OGG1: variants seen among roughly 807,000 people sequenced by gnomAD.
OGG1 encodes the protein N-glycosylase/DNA lyase.
A neutral mutation model predicts 42.3 loss-of-function variants in OGG1; 35 were observed. The observed-to-expected ratio is 0.83, with a 90% CI of 0.63 to 1.10. The LOEUF (loss-of-function observed/expected upper bound fraction) is 1.10, where lower values mean the gene tolerates loss of function less well. Ranked by LOEUF, OGG1 falls within the 50% of genes least tolerant of loss-of-function variation. The pLI is 0.00. For missense variants in OGG1, 484 were observed against 446.7 expected, an observed-to-expected ratio of 1.08 and a Z score of -0.75; for synonymous variants, 189 against 179.0, an observed-to-expected ratio of 1.06 and a Z score of -0.44.
chr3:9,761,703 C>T (rs925718348), downstream of OGG1: 5 of 1,613,956 alleles, frequency 3.1e-6, no homozygotes, highest in Non-Finnish European at 4.2e-6. Context: ...AGGCCAAAGT[C>T]GGAGATCATG....
chr3:9,761,865 AC>A (rs2077893042), downstream of OGG1: 15 of 1,483,622 alleles, frequency 1.0e-5, no homozygotes, highest in Non-Finnish European at 1.2e-5. Context: ...CCCAAAAGCC[AC>A]TGTGGCTTCA....
chr3:9,774,658 A>C (rs1264769645), intron 2 of OGG1, among the ~76,000 whole-genome samples: 1 of 152,322 alleles, frequency 6.6e-6, no homozygotes, highest in Non-Finnish European at 1.5e-5. Flanking sequence ...AACACAGGAC[A>C]TTTTGTATCT....
intron 3 of OGG1, among the ~76,000 whole-genome samples, chr3:9,752,726 C>G (rs2125537475): frequency 6.6e-6 from 1 of 152,254 alleles, no homozygotes; most frequent in East Asian, 1.9e-4. Context: ...GACAGACTGC[C>G]TCAAAACAGG....
chr3:9,778,131 A>T (rs2078387691), intron 2 of OGG1, among the ~76,000 whole-genome samples: 1 of 152,212 alleles, frequency 6.6e-6, no homozygotes, highest in South Asian at 2.1e-4. Flanking sequence ...CCTACCCCAT[A>T]ATATTAGGTA....
chr3:9,751,958 G>C lies in OGG1; in HGVS notation c.565+9G>C, dbSNP rs756905146. The C allele has an allele frequency of 3.2e-5, 51 of 1,613,402 alleles. No individual in the cohort carries two copies. The highest frequency in any genetic ancestry group is 4.2e-5 in the Non-Finnish European group (50 of 1,179,610). On this transcript the variant is annotated intron_variant, in intron 3 of 6. Transcript: ENST00000344629. ...CCTGCAGGCCCTGGCTGGTGAGTAG[G>C]TGGGTCCCCTGCCCCCAGGCCTTCC...
At chr3:9,759,206 C>CT, downstream of OGG1, 1 of 1,613,820 alleles carries the variant, frequency 6.2e-7, no homozygotes. Context: ...GTCATCACCA[C>CT]TTTTATGACC....
chr3:9,756,876 T>C, intron 6 of OGG1, 60 bp downstream of exon 6: 1 of 1,612,494 alleles, frequency 6.2e-7, no homozygotes, highest in Non-Finnish European at 8.5e-7. Flanking sequence ...CCCAGTGGAC[T>C]CTTCCACCAC....
At chr3:9,789,375 G>T, downstream of OGG1, 1 of 752,998 alleles carries the variant, frequency 1.3e-6, no homozygotes, top group Non-Finnish European at 2.1e-6. Context: ...GTGTCTGGAG[G>T]CACTGATGGA....
chr3:9,789,981 T>C, downstream of OGG1: 1 of 1,572,954 alleles, frequency 6.4e-7, no homozygotes, highest in East Asian at 2.2e-5. Context: ...TTACAGAAAG[T>C]GTCACTGAGG....
At chr3:9,760,470 G>A (rs779720151), downstream of OGG1, 9 of 570,852 alleles carry the variant, frequency 1.6e-5, no homozygotes, top group Non-Finnish European at 2.8e-5. Flanking sequence ...TTCTCACTCT[G>A]GGAGCCAAGC....
chr3:9,776,439 G>A (rs2078366072), intron 2 of OGG1, among the ~76,000 whole-genome samples: 1 of 147,072 alleles, frequency 6.8e-6, no homozygotes, highest in Admixed American at 6.8e-5. Context: ...ACCCAGGCTG[G>A]AGTGCAGTGG....
downstream of OGG1, chr3:9,759,921 G>T: frequency 1.0e-6 from 1 of 1,000,012 alleles, no homozygotes; most frequent in Non-Finnish European, 1.5e-6. Flanking sequence ...CCCACCCCGT[G>T]CCTTCCAGCT....
At chr3:9,755,843 C>G (rs904154171) in intron 4 of OGG1, among the ~76,000 whole-genome samples, 1 of 152,042 alleles carries the variant, frequency 6.6e-6, no homozygotes, top group African/African-American at 2.4e-5. Flanking sequence ...GGACTACAGC[C>G]TAACATTAAA....
chr3:9,759,444 G>C (rs760975814), downstream of OGG1: 172 of 1,612,952 alleles, frequency 1.1e-4, no homozygotes, highest in Non-Finnish European at 1.3e-4. Flanking sequence ...GGATGGGGAG[G>C]AGTCCTGGGG....
chr3:9,757,347 T>C lies in OGG1; in HGVS notation c.*197T>C, dbSNP rs1462637128. The C allele has an allele frequency of 6.2e-7, 1 of 1,614,082 alleles. No individual in the cohort carries two copies. Among genetic ancestry groups the C allele is most frequent in the South Asian group, 1.1e-5 (1 of 91,082 alleles). ...ATATTGAGGGAGACAGCGCTAAGGA[T>C]GGTTTTATCTTCCCTTTATTACAAG... On this transcript the variant is annotated 3_prime_UTR_variant, in exon 7 of 7. Transcript: ENST00000344629. The surrounding 1 kb of genome is among the most constrained non-coding windows in gnomAD (Gnocchi z 4.5).
At chr3:9,770,954 C>G (rs569194196), downstream of OGG1, among the ~76,000 whole-genome samples, 2 of 152,112 alleles carry the variant, frequency 1.3e-5, no homozygotes, top group African/African-American at 4.8e-5. Context: ...GGGGAGAGAA[C>G]AGTGCTTATG....
At chr3:9,783,765 G>A (rs2078537291) in intron 3 of OGG1, 5 of 461,086 alleles carry the variant, frequency 1.1e-5, no homozygotes, top group South Asian at 7.2e-5. Flanking sequence ...GTGACAGTGC[G>A]AGACTCCCTC....
chr3:9,780,389 G>A, intron 2 of OGG1: 6 of 1,613,316 alleles, frequency 3.7e-6, no homozygotes, highest in South Asian at 1.1e-5. Flanking sequence ...ATGCTCTCAC[G>A]CTCCTTCAGA....
At chr3:9,756,174 A>G (rs747422124) in intron 4 of OGG1, among the ~76,000 whole-genome samples, 10 of 152,128 alleles carry the variant, frequency 6.6e-5, no homozygotes, top group Non-Finnish European at 1.3e-4. Context: ...AAAATTAGCC[A>G]CACGTGGTGG....
Sources: allele counts gnomAD v4.1 joint callset (sites outside exome capture counted in the v4.1 genomes callset), GRCh38; gene constraint gnomAD v4.1.1; non-coding constraint Gnocchi (gnomAD v3.1); transcripts MANE v1.5; gene names NCBI Gene and HGNC (gene_info 2026-07-23, HGNC 2026-07-21).